The following CLEC17A variants were observed in gnomAD, a reference collection of about 807,000 sequenced individuals.
CLEC17A encodes the protein C-type lectin domain family 17, member A.
Under a neutral mutation model 61.3 loss-of-function variants are expected in CLEC17A, and 37 were observed. The observed-to-expected ratio is 0.60, with a 90% CI of 0.46 to 0.79. CLEC17A has a LOEUF of 0.79. CLEC17A is among the 30% of genes least tolerant of loss of function. The pLI is 0.00. For synonymous variants in CLEC17A, 168 were observed against 164.9 expected (o/e 1.02, Z -0.14); for missense variants, 418 against 464.7 (o/e 0.90, Z 0.92).
At chr19:14,594,830 C>T (rs761436170) in intron 7 of CLEC17A, 30 bp downstream of exon 7, 1 of 1,597,578 alleles carries the variant, frequency 6.3e-7, no homozygotes, top group Non-Finnish European at 8.6e-7. Flanking sequence ...TTTAAGATGC[C>T]TAAGAGGGGA....
Position 14,610,441 on chromosome 19 carries a change from C to T in CLEC17A, c.*245C>T. On this transcript the variant is annotated 3_prime_UTR_variant, in exon 14 of 14. Transcript: ENST00000417570. ...CTCAGAGCTTGGTGGTGGGAGGTCT[C>T]CCACTTCTGGGGTTGAAAGGATCTT... 1.9e-6 allele frequency: 1 copy of T among 532,746 alleles called. No individual in the cohort carries two copies. Among genetic ancestry groups the T allele is most frequent in the Non-Finnish European group, 3.4e-6 (1 of 295,860 alleles). 33.0% of individuals were successfully genotyped at this position (532,746 alleles called of 1,614,324 possible).
At chr19:14,595,018 C>T (rs1364720200) in intron 7 of CLEC17A, among the ~76,000 whole-genome samples, 7 of 152,116 alleles carry the variant, frequency 4.6e-5, no homozygotes, top group African/African-American at 7.2e-5. Flanking sequence ...ACTACAGGCA[C>T]GAACCACCAC....
intron 12 of CLEC17A, among the ~76,000 whole-genome samples, chr19:14,601,374 C>G (rs2074713171): frequency 6.6e-6 from 1 of 152,184 alleles, no homozygotes; most frequent in South Asian, 2.1e-4. Flanking sequence ...CACCTCCGTG[C>G]AACCAGAAGG....
In CLEC17A at chr19:14,587,653, A is replaced by G; in HGVS notation, c.161A>G (p.Asn54Ser). 1 of 1,603,492 alleles carries G rather than the reference A, an allele frequency of 6.2e-7. No homozygotes were observed. The highest frequency in any genetic ancestry group is 8.5e-7 in the Non-Finnish European group (1 of 1,175,174). The change falls in exon 3 of 14, where the codon AAC becomes AGC. Residue 54 changes from asparagine (N) to serine (S), a missense_variant. Coordinates refer to ENST00000417570, the MANE Select transcript of CLEC17A (RefSeq NM_001204118.2). Reference protein sequence around the residue: ...EEEEEDDDYENSTPPYKDLPP... With the variant: ...EEEEEDDDYESSTPPYKDLPP... ...GAGGAGGAGGATGATGACTATGAGA[A>G]CTCAACACCTCCCTACAAGGACCTT...
At chr19:14,592,965 C>G (rs758963746) in intron 4 of CLEC17A, among the ~76,000 whole-genome samples, 45 of 152,012 alleles carry the variant, frequency 3.0e-4, no homozygotes, top group Non-Finnish European at 5.9e-4. Context: ...CACGCCTGGC[C>G]GAGCAGACAT....
In CLEC17A at chr19:14,594,662, G is replaced by A. The variant is rs763915824; in HGVS notation, c.341G>A (p.Cys114Tyr). 2.5e-6 allele frequency: 4 copies of A among 1,613,914 alleles called. No homozygotes were observed. The highest frequency in any genetic ancestry group is 3.4e-6 in the Non-Finnish European group (4 of 1,179,880). The part of the protein sequence containing the change: ...AKETEKPPLP[C>Y]KPRNMTGLDL... The stretch of plus-strand genomic sequence containing the variant: ...GAAACAGAGAAACCCCCACTTCCTT[G>A]CAAGCCCCGGAACATGACAGGTGAG... The change falls in exon 6 of 14, where the codon TGC becomes TAC. Residue 114 changes from cysteine to tyrosine, a missense_variant. Coordinates refer to ENST00000417570, the MANE Select transcript of CLEC17A (RefSeq NM_001204118.2).
At chr19:14,593,082 T>G (rs2074459810) in intron 4 of CLEC17A, among the ~76,000 whole-genome samples, 1 of 152,062 alleles carries the variant, frequency 6.6e-6, no homozygotes, top group Admixed American at 6.6e-5. Context: ...CTCAATCTCC[T>G]CTCATTACCA....
intron 12 of CLEC17A, among the ~76,000 whole-genome samples, chr19:14,601,760 C>G (rs971652407): frequency 2.0e-5 from 3 of 152,080 alleles, no homozygotes; most frequent in Non-Finnish European, 4.4e-5. Context: ...CTAGGACAAC[C>G]AGGCACTTGC....
chr19:14,585,965 T>C (rs1420281260), intron 2 of CLEC17A, among the ~76,000 whole-genome samples: 1 of 151,954 alleles, frequency 6.6e-6, no homozygotes, highest in Non-Finnish European at 1.5e-5. Context: ...CCTATCCCCT[T>C]AACATCTTGT....
At chr19:14,607,934 A>T (rs1435201493) in intron 13 of CLEC17A, among the ~76,000 whole-genome samples, 7 of 151,970 alleles carry the variant, frequency 4.6e-5, no homozygotes, top group Non-Finnish European at 1.0e-4. Context: ...GCAGTGGTGC[A>T]ATCTCGGCTC....
intron 3 of CLEC17A, among the ~76,000 whole-genome samples, chr19:14,590,199 T>A (rs1024332270): frequency 6.7e-6 from 1 of 150,058 alleles, no homozygotes; most frequent in Non-Finnish European, 1.5e-5. Context: ...CACCATGGAA[T>A]GTGGGGGAAT....
chr19:14,607,172 T>A, intron 13 of CLEC17A, 70 bp downstream of exon 13: 1 of 627,664 alleles, frequency 1.6e-6, no homozygotes, highest in Non-Finnish European at 2.3e-6. Context: ...GGGGAGAAGG[T>A]GATGGAGTAC....
At chr19:14,598,392 C>T (rs1019010145) in intron 10 of CLEC17A, among the ~76,000 whole-genome samples, 4 of 147,232 alleles carry the variant, frequency 2.7e-5, no homozygotes, top group Non-Finnish European at 4.5e-5. Flanking sequence ...CCTTCCCTTC[C>T]CTTCTCCTTC....
chr19:14,595,207 G>T lies in CLEC17A; in HGVS notation c.404-67G>T, dbSNP rs997813367. On this transcript the variant is annotated intron_variant, in intron 7 of 13. Coordinates refer to ENST00000417570, the MANE Select transcript of CLEC17A (RefSeq NM_001204118.2). ...ATTCTGACCAGAGAACAAAACAGAGGTTGTTGATCTTGGAAGACAGAGTCT... is the reference window on the plus strand; with the variant it reads ...ATTCTGACCAGAGAACAAAACAGAGTTTGTTGATCTTGGAAGACAGAGTCT... 1.7e-5 allele frequency: 27 copies of T among 1,569,726 alleles called. No homozygotes were observed. In the East Asian group the frequency reaches 6.1e-4, roughly 35 times the overall value.
intron 3 of CLEC17A, among the ~76,000 whole-genome samples, chr19:14,590,743 G>A (rs953982757): frequency 5.3e-5 from 8 of 151,882 alleles, no homozygotes; most frequent in African/African-American, 1.7e-4. Context: ...CTGGAGTGTG[G>A]TAGTGCAATC....
In CLEC17A at chr19:14,610,533, A is replaced by C. The variant is rs1250640931; in HGVS notation, c.*337A>C. On this transcript the variant is annotated 3_prime_UTR_variant, in exon 14 of 14. Coordinates refer to ENST00000417570, the MANE Select transcript of CLEC17A (RefSeq NM_001204118.2). ...CCTGAGGACCCTGGGGCTGGTGTTGAACCTGGGATGAAATATCCTGGCGCC... is the reference window on the plus strand; with the variant it reads ...CCTGAGGACCCTGGGGCTGGTGTTGCACCTGGGATGAAATATCCTGGCGCC... 4.3e-6 allele frequency: 1 copy of C among 235,194 alleles called. No homozygotes were observed. The highest frequency in any genetic ancestry group is 8.5e-6 in the Non-Finnish European group (1 of 117,796). The allele number at this position is 235,194 out of a possible 1,614,324, so 14.6% of individuals were successfully genotyped here. A position where few individuals can be genotyped will look rare whatever the true frequency, so the allele number is the denominator to read the frequency against.
intron 3 of CLEC17A, among the ~76,000 whole-genome samples, chr19:14,591,786 AAACTCAGGC>A (rs969070079): frequency 6.7e-6 from 1 of 150,236 alleles, no homozygotes; most frequent in Non-Finnish European, 1.5e-5. Context: ...TCGAACTCCC[AAACTCAGGC>A]AACCTGCCAG....
chr19:14,605,766 G>T (rs1009234709), intron 12 of CLEC17A, among the ~76,000 whole-genome samples: 1 of 151,716 alleles, frequency 6.6e-6, no homozygotes, highest in African/African-American at 2.4e-5. Context: ...CGGGACAGAG[G>T]CTTGCTCTGC....
At chr19:14,589,079 A>G (rs1272408767) in intron 3 of CLEC17A, among the ~76,000 whole-genome samples, 1 of 150,050 alleles carries the variant, frequency 6.7e-6, no homozygotes, top group African/African-American at 2.5e-5. Context: ...CCCAGCATCC[A>G]CTCTCCAATC....
Sources: allele counts gnomAD v4.1 joint callset (sites outside exome capture counted in the v4.1 genomes callset), GRCh38; gene constraint gnomAD v4.1.1; transcripts MANE v1.5; gene names NCBI Gene and HGNC (gene_info 2026-07-23, HGNC 2026-07-21).